Variants in ENPP3 observed in about 807,000 individuals in gnomAD.
The protein encoded by ENPP3 is ectonucleotide pyrophosphatase/phosphodiesterase 3.
Under a neutral mutation model 117.8 loss-of-function variants are expected in ENPP3, and 104 were observed. That is an observed-to-expected ratio of 0.88 (90% CI 0.75 to 1.04). The LOEUF is 1.04. Among genes scored for constraint, ENPP3 ranks in the 50% least tolerant of loss-of-function variants. The pLI is 0.00. For missense variants in ENPP3, 1,026 were observed against 1,051.9 expected (o/e 0.98, Z 0.34); for synonymous variants, 380 against 349.9 (o/e 1.09, Z -0.96).
At chr6:131,641,620 T>A in intron 2 of ENPP3, 90 bp downstream of exon 2, 1 of 777,016 alleles carries the variant, frequency 1.3e-6, no homozygotes, top group Non-Finnish European at 2.3e-6. Flanking sequence ...ATCCCAAGCC[T>A]CCTCTGTCCT....
intron 8 of ENPP3, 125 bp downstream of exon 8, chr6:131,674,406 C>A (rs760790356): frequency 5.0e-5 from 46 of 922,858 alleles, no homozygotes; most frequent in Non-Finnish European, 7.6e-5. Context: ...GCTGAGGGTG[C>A]AAAGGTGTTT....
chr6:131,720,331 A>G lies in ENPP3; in HGVS notation c.1519A>G (p.Thr507Ala), dbSNP rs756375378. The change falls in exon 17 of 25, where the codon ACT becomes GCT. Residue 507 changes from threonine (T) to alanine (A), a missense_variant. By Grantham distance (58) the Thr-to-Ala change is moderately conservative. Transcript: ENST00000357639. ...LAHGPSFKEK[T>A]EVEPFENIEV... ...ACATGGACCCAGTTTTAAAGAGAAG[A>G]CTGAAGTTGAACCATTTGAAAATAT... 2.5e-6 allele frequency: 4 copies of G among 1,601,850 alleles called. No individual in the cohort carries two copies. Among genetic ancestry groups the G allele is most frequent in the Non-Finnish European group, 3.4e-6 (4 of 1,173,036 alleles).
In ENPP3 at chr6:131,663,334, C is replaced by T. The variant is rs1778543407; in HGVS notation, c.562+4914C>T. Among the ~76,000 whole-genome samples, 3 of 151,746 alleles carry T rather than the reference C, an allele frequency of 2.0e-5. No homozygotes were observed. The South Asian group carries it at 6.3e-4, about 32-fold the overall frequency. On this transcript the variant is annotated intron_variant, in intron 6 of 24. Transcript: ENST00000357639. ...AGCTATGTGCCACATAACAACATTT[C>T]AATCAACAACAGACTGCATATATAA...
intron 14 of ENPP3, among the ~76,000 whole-genome samples, chr6:131,688,218 T>G (rs888709321): frequency 5.3e-5 from 8 of 152,306 alleles, no homozygotes; most frequent in African/African-American, 1.9e-4. Flanking sequence ...CAGATAAATA[T>G]TACATGCGTG....
chr6:131,641,124 G>T (rs1044034936), intron 1 of ENPP3, among the ~76,000 whole-genome samples: 2 of 152,000 alleles, frequency 1.3e-5, no homozygotes, highest in Non-Finnish European at 2.9e-5. Flanking sequence ...TAAAAAAAAT[G>T]GCCCAGAAAA....
intron 12 of ENPP3, among the ~76,000 whole-genome samples, chr6:131,684,257 G>A (rs1242095688): frequency 6.6e-6 from 1 of 152,194 alleles, no homozygotes; most frequent in Non-Finnish European, 1.5e-5. Context: ...AGAGCATCCA[G>A]ATAATGGGAA....
chr6:131,733,547 G>A (rs770732983), intron 20 of ENPP3, 41 bp from the exon 21 acceptor site: 25 of 1,592,546 alleles, frequency 1.6e-5, no homozygotes, highest in African/African-American at 2.7e-5. Flanking sequence ...TGGGTGAGCC[G>A]CAATTGTGGG....
intron 6 of ENPP3, 73 bp from the exon 7 acceptor site, chr6:131,671,175 T>G (rs532727642): frequency 1.2e-6 from 1 of 837,540 alleles, no homozygotes; most frequent in East Asian, 2.4e-5. Flanking sequence ...GAGACTTTCA[T>G]GTTCAGATTT....
At chr6:131,718,457 C>T (rs1779944131) in intron 15 of ENPP3, among the ~76,000 whole-genome samples, 1 of 151,688 alleles carries the variant, frequency 6.6e-6, no homozygotes, top group Non-Finnish European at 1.5e-5. Context: ...CTGTTTGTTC[C>T]ATTATGGTTA....
intron 14 of ENPP3, among the ~76,000 whole-genome samples, chr6:131,687,350 A>G (rs754421348): frequency 1.3e-5 from 2 of 152,190 alleles, no homozygotes; most frequent in Non-Finnish European, 2.9e-5. Flanking sequence ...TTTGCCATAT[A>G]TAAAAATTAA....
intron 15 of ENPP3, among the ~76,000 whole-genome samples, chr6:131,696,064 T>C (rs1451306960): frequency 6.6e-6 from 1 of 152,250 alleles, no homozygotes; most frequent in African/African-American, 2.4e-5. Flanking sequence ...AGGTCCCCTT[T>C]GTACAATTAA....
Position 131,740,337 on chromosome 6 carries a change from C to T in ENPP3, c.2414C>T (p.Pro805Leu), listed in dbSNP as rs760184241. The change falls in exon 24 of 25, where the codon CCC (proline) becomes CTC (leucine). Residue 805 changes from proline to leucine, a missense_variant. Coordinates refer to ENST00000357639, the MANE Select transcript of ENPP3 (RefSeq NM_005021.5). The part of the protein sequence containing the change: ...ENCPGWLDVL[P>L]FIIPHRPTNV... ...TGCCCTGGGTGGCTGGATGTCCTACCCTTTATCATCCCTCACCGACCTACC... is the reference window on the plus strand; with the variant it reads ...TGCCCTGGGTGGCTGGATGTCCTACTCTTTATCATCCCTCACCGACCTACC... 1.9e-6 allele frequency: 3 copies of T among 1,612,038 alleles called. No homozygotes were observed. In the Admixed American group the frequency reaches 5.0e-5, roughly 27 times the overall value.
intron 18 of ENPP3, among the ~76,000 whole-genome samples, chr6:131,723,546 A>G (rs1291930628): frequency 6.6e-6 from 1 of 152,216 alleles, no homozygotes; most frequent in Non-Finnish European, 1.5e-5. Flanking sequence ...CCCAAGTTCT[A>G]TGTAAAGAAT....
chr6:131,688,538 A>G (rs922748059), intron 14 of ENPP3, among the ~76,000 whole-genome samples: 4 of 152,214 alleles, frequency 2.6e-5, no homozygotes, highest in African/African-American at 9.6e-5. Flanking sequence ...ATTCTAGTGA[A>G]TACATACATA....
chr6:131,651,120 A>C (rs1778253177), intron 3 of ENPP3, among the ~76,000 whole-genome samples: 1 of 152,048 alleles, frequency 6.6e-6, no homozygotes, highest in East Asian at 1.9e-4. Flanking sequence ...GGGTTTCACC[A>C]TGTTGGCCAG....
chr6:131,737,886 A>G (rs1219112050), intron 22 of ENPP3, 145 bp from the exon 23 acceptor site: 2 of 572,658 alleles, frequency 3.5e-6, no homozygotes, highest in East Asian at 3.2e-5. Flanking sequence ...TTGCTTGTGA[A>G]GCCTATTCTG....
At chr6:131,664,136 G>A (rs1473389998) in intron 6 of ENPP3, among the ~76,000 whole-genome samples, 1 of 152,152 alleles carries the variant, frequency 6.6e-6, no homozygotes, top group Non-Finnish European at 1.5e-5. Context: ...TATTTCAGAA[G>A]AAGGTACTGT....
chr6:131,730,914 CAA>C (rs528990087), intron 20 of ENPP3, among the ~76,000 whole-genome samples: 16 of 98,114 alleles, frequency 1.6e-4, no homozygotes, highest in East Asian at 2.6e-4. Context: ...GACTCCATCT[CAA>C]AAAAAAAAAA....
chr6:131,665,571 A>G (rs1778599386), intron 6 of ENPP3, among the ~76,000 whole-genome samples: 1 of 152,060 alleles, frequency 6.6e-6, no homozygotes, highest in Admixed American at 6.6e-5. Flanking sequence ...TTATATCTGC[A>G]GTATCAATTG....
Sources: gnomAD v4.1 joint callset for allele counts (sites outside exome capture counted in the v4.1 genomes callset) on GRCh38, gnomAD v4.1.1 for gene constraint, MANE v1.5 for transcripts, NCBI Gene and HGNC (gene_info 2026-07-23, HGNC 2026-07-21) for gene names.